MAP3K20: variants seen among roughly 807,000 people sequenced by gnomAD.
MAP3K20 encodes the protein HCCS-4.
MAP3K20 carries 40 observed loss-of-function variants against 85.7 expected under a neutral mutation model. The ratio of observed to expected loss-of-function variants is 0.47; its 90% CI spans 0.36 to 0.61. The LOEUF is 0.61. Ranked by LOEUF, MAP3K20 falls within the 20% of genes least tolerant of loss-of-function variation. MAP3K20 has a pLI of 0.00. For synonymous variants in MAP3K20, 325 were observed against 327.7 expected, an observed-to-expected ratio of 0.99 and a Z score of 0.09; for missense variants, 817 against 961.7, an observed-to-expected ratio of 0.85 and a Z score of 1.99.
chr2:173,258,593 C>T (rs1187658678), intron 16 of MAP3K20, 106 bp from the exon 17 acceptor site: 2 of 603,050 alleles, frequency 3.3e-6, no homozygotes, highest in Non-Finnish European at 5.7e-6. Context: ...AAAAAAGCCA[C>T]TCCAATAATA....
At chr2:173,184,305 C>T (rs1035403092) in intron 4 of MAP3K20, among the ~76,000 whole-genome samples, 3 of 152,252 alleles carry the variant, frequency 2.0e-5, no homozygotes, top group Admixed American at 1.3e-4. Flanking sequence ...AGCACATCAC[C>T]TTACACACGT....
In MAP3K20 at chr2:173,182,826, T is replaced by C. The variant is rs553828422; in HGVS notation, c.248-28T>C. ...TTCTGAAATGTATCTTGATTTTAAT[T>C]ATATGCTTATCTTTCCTTTTAAAAT... On this transcript the variant is annotated intron_variant, in intron 3 of 19. Transcript: ENST00000375213. 25 of 1,455,790 alleles carry C rather than the reference T, an allele frequency of 1.7e-5. No individual in the cohort carries two copies. The South Asian group carries it at 3.3e-4, about 19-fold the overall frequency. The allele number at this position is 1,455,790 out of a possible 1,614,324, so 90.2% of individuals were successfully genotyped here.
intron 18 of MAP3K20, among the ~76,000 whole-genome samples, chr2:173,262,671 A>G (rs978534271): frequency 1.3e-5 from 2 of 152,208 alleles, no homozygotes; most frequent in African/African-American, 4.8e-5. Flanking sequence ...CTGGAAGCCA[A>G]AAAGTTTTAC....
intron 1 of MAP3K20, among the ~76,000 whole-genome samples, chr2:173,085,891 G>A (rs1482913832): frequency 7.3e-6 from 1 of 136,598 alleles, no homozygotes; most frequent in Non-Finnish European, 1.5e-5. Flanking sequence ...TGCCTCTACG[G>A]TTCGAGCAAT....
chr2:173,171,057 C>A (rs1689985880), intron 3 of MAP3K20, among the ~76,000 whole-genome samples: 1 of 152,146 alleles, frequency 6.6e-6, no homozygotes, highest in Non-Finnish European at 1.5e-5. Flanking sequence ...ATCCCCAATT[C>A]ACTGTCTTTA....
Position 173,190,912 on chromosome 2 carries a change from GGA to G in MAP3K20, c.435_436del (p.Val146IlefsTer5). 1 of 1,597,520 alleles carries G rather than the reference GGA, an allele frequency of 6.3e-7. No individual in the cohort carries two copies. Among genetic ancestry groups the G allele is most frequent in the Non-Finnish European group, 8.6e-7 (1 of 1,168,576 alleles). ...KSRNVVIAADGVLKICDFGAS... is the reference protein window; with the variant it reads ...KSRNVVIAADXVLKICDFGAS... ...TTTTTTAGTTGTTATAGCTGCTGAT[GGA>G]GTATTGAAGGTAGGACTATTTCTTT... On this transcript the variant is annotated frameshift_variant, in exon 6 of 20. Coordinates refer to ENST00000375213, the MANE Select transcript of MAP3K20 (RefSeq NM_016653.3). LOFTEE classifies it high-confidence loss of function.
intron 14 of MAP3K20, among the ~76,000 whole-genome samples, chr2:173,237,166 A>G (rs546679377): frequency 6.6e-6 from 1 of 151,478 alleles, no homozygotes; most frequent in Admixed American, 6.6e-5. Context: ...AGCTGGAATT[A>G]TAGGCGCAGG....
At chr2:173,239,228 A>G (rs1267515050) in intron 15 of MAP3K20, among the ~76,000 whole-genome samples, 176 bp from the exon 16 acceptor site, 2 of 152,326 alleles carry the variant, frequency 1.3e-5, no homozygotes, top group East Asian at 1.9e-4. Context: ...CCTGAAAGGC[A>G]TAATATGTCA....
chr2:173,190,154 C>T (rs1195215077), intron 5 of MAP3K20, among the ~76,000 whole-genome samples: 2 of 152,120 alleles, frequency 1.3e-5, no homozygotes, highest in African/African-American at 4.8e-5. Context: ...ACTTTCCTCC[C>T]TCAGCTCTCC....
chr2:173,169,710 A>T, intron 2 of MAP3K20, 95 bp from the exon 3 acceptor site: 3 of 1,216,532 alleles, frequency 2.5e-6, no homozygotes, highest in Non-Finnish European at 3.5e-6. Context: ...ACACAGCAAG[A>T]CCCTAACTCA....
chr2:173,226,230 A>G (rs1191268008), intron 11 of MAP3K20: 2 of 985,420 alleles, frequency 2.0e-6, no homozygotes, highest in Non-Finnish European at 2.4e-6. Flanking sequence ...ATGACCTCCC[A>G]GAATTACTGT....
chr2:173,184,932 G>T lies in MAP3K20; in HGVS notation c.349+1977G>T, dbSNP rs190247147. On this transcript the variant is annotated intron_variant, in intron 4 of 19. Coordinates refer to ENST00000375213, the MANE Select transcript of MAP3K20 (RefSeq NM_016653.3). ...AAAAAAAAAATTAGGTAGCAAACTG[G>T]TACCAGAGTTAAAAATAAGGAAGGA... Among the ~76,000 whole-genome samples the T allele has an allele frequency of 1.7e-4, 25 of 150,886 alleles. No individual in the cohort carries two copies. The East Asian group carries it at 4.5e-3, about 27-fold the overall frequency.
intron 9 of MAP3K20, among the ~76,000 whole-genome samples, chr2:173,205,003 T>C (rs1340798319): frequency 6.7e-6 from 1 of 149,380 alleles, no homozygotes; most frequent in African/African-American, 2.5e-5. Context: ...CTTGGGAGGC[T>C]GAGGCAGGAG....
intron 2 of MAP3K20, among the ~76,000 whole-genome samples, chr2:173,098,569 A>G (rs1256302405): frequency 2.0e-5 from 3 of 152,194 alleles, no homozygotes; most frequent in Non-Finnish European, 2.9e-5. Context: ...TATATATGCA[A>G]ATATTCCAAA....
intron 5 of MAP3K20, among the ~76,000 whole-genome samples, chr2:173,188,563 C>T (rs1168391166): frequency 6.6e-6 from 1 of 151,676 alleles, no homozygotes; most frequent in Non-Finnish European, 1.5e-5. Context: ...CGATCAGGTA[C>T]CCTTGCACGT....
chr2:173,091,481 A>G (rs1286194262), intron 2 of MAP3K20, among the ~76,000 whole-genome samples: 1 of 152,114 alleles, frequency 6.6e-6, no homozygotes, highest in Non-Finnish European at 1.5e-5. Context: ...GAGATTTTAG[A>G]CCTTCCCAGG....
intron 1 of MAP3K20, 98 bp downstream of exon 1, chr2:173,076,100 C>G: frequency 2.2e-6 from 2 of 895,492 alleles, no homozygotes; most frequent in South Asian, 5.1e-5. Context: ...GAGGCTCCGC[C>G]GGAGCCCGGG....
chr2:173,140,996 TA>T (rs1038123754), intron 2 of MAP3K20, among the ~76,000 whole-genome samples: 1 of 152,134 alleles, frequency 6.6e-6, no homozygotes, highest in South Asian at 2.1e-4. Flanking sequence ...AGTAAAAACT[TA>T]AAAAAACTAG....
At chr2:173,166,916 T>TG (rs945708985) in intron 2 of MAP3K20, 1 of 141,916 alleles carries the variant, frequency 7.0e-6, no homozygotes, top group African/African-American at 2.6e-5. Flanking sequence ...TTCTGTTTTT[T>TG]TTTTTTTTTT....
Sources: gnomAD v4.1 joint callset for allele counts (sites outside exome capture counted in the v4.1 genomes callset) on GRCh38, gnomAD v4.1.1 for gene constraint, MANE v1.5 for transcripts, NCBI Gene and HGNC (gene_info 2026-07-23, HGNC 2026-07-21) for gene names.